Variants in SNTG2 observed in about 807,000 individuals in gnomAD.
The protein encoded by SNTG2 is syntrophin gamma 2.
A neutral mutation model predicts 70.9 loss-of-function variants in SNTG2; 74 were observed. The ratio of observed to expected loss-of-function variants is 1.04; its 90% confidence interval spans 0.86 to 1.27. The LOEUF (loss-of-function observed/expected upper bound fraction) is 1.27, where lower values mean the gene tolerates loss of function less well. Among genes scored for constraint, SNTG2 ranks in the 50% most tolerant of loss-of-function variants. SNTG2 has a pLI of 0.00. For missense variants in SNTG2, 717 were observed against 690.7 expected, an observed-to-expected ratio of 1.04 and a Z score of -0.43; for synonymous variants, 278 against 273.8, an observed-to-expected ratio of 1.02 and a Z score of -0.15.
intron 7 of SNTG2, among the ~76,000 whole-genome samples, chr2:1,168,090 C>T (rs7578309): frequency 0.14 from 16,954 of 120,282 alleles, 1,552 homozygotes; most frequent in African/African-American, 0.25. Flanking sequence ...ACCTACAGGC[C>T]GCCCACAGAC....
intron 14 of SNTG2, among the ~76,000 whole-genome samples, chr2:1,269,968 C>T (rs1015436267): frequency 6.6e-5 from 10 of 152,096 alleles, no homozygotes; most frequent in African/African-American, 1.7e-4. Context: ...CTTCTGGGGC[C>T]GTGCCATGCT....
chr2:1,090,714 C>G (rs919642719), intron 2 of SNTG2, among the ~76,000 whole-genome samples: 2 of 152,102 alleles, frequency 1.3e-5, no homozygotes, highest in South Asian at 2.1e-4. Flanking sequence ...TGTACAGGGC[C>G]GGCCAGCATT....
At chr2:1,068,955 C>A (rs1663340342) in intron 1 of SNTG2, among the ~76,000 whole-genome samples, 1 of 152,198 alleles carries the variant, frequency 6.6e-6, no homozygotes. Flanking sequence ...CCAGTTTTTA[C>A]CTCCAGGCTG....
chr2:989,870 C>G (rs1031945551), intron 1 of SNTG2, among the ~76,000 whole-genome samples: 1 of 152,232 alleles, frequency 6.6e-6, no homozygotes, highest in Non-Finnish European at 1.5e-5. Context: ...GGCTGTTGGA[C>G]TCTGTCAACG....
chr2:1,098,877 G>A (rs1040680982), intron 4 of SNTG2, among the ~76,000 whole-genome samples: 3 of 152,164 alleles, frequency 2.0e-5, no homozygotes, highest in African/African-American at 7.2e-5. Context: ...CTTGGCAGCT[G>A]GTGGTACTGC....
chr2:1,337,622 TC>T (rs1368745854), intron 16 of SNTG2, among the ~76,000 whole-genome samples: 1 of 152,176 alleles, frequency 6.6e-6, no homozygotes, highest in Non-Finnish European at 1.5e-5. Context: ...GCGGATGTCT[TC>T]TCTCATTCTG....
rs886698973 is a variant in SNTG2, at chr2:1,184,316, A to G, written c.591+11133A>G. Among the ~76,000 whole-genome samples the G allele has an allele frequency of 3.3e-5, 5 of 152,134 alleles. No individual in the cohort carries two copies. In the East Asian group the frequency reaches 7.7e-4, roughly 24 times the overall value. On this transcript the variant is annotated intron_variant, in intron 8 of 16. Transcript: ENST00000308624. Reference sequence around the variant, plus strand: ...ATGGGAACATCAACACATTTTATCAAACACATAAGGGAAAATACTACATAG... The same window carrying G: ...ATGGGAACATCAACACATTTTATCAGACACATAAGGGAAAATACTACATAG...
In SNTG2 at chr2:1,203,680, A is replaced by ATG. The variant is rs1231535053; in HGVS notation, c.592-5422_592-5421insGT. ...AAAACAAACAAAAAAAAAAATATAT[A>ATG]TATATATATATGTGTGTGTGTGTGT... On this transcript the variant is annotated intron_variant, in intron 8 of 16. Transcript: ENST00000308624. Among the ~76,000 whole-genome samples, 71 of 90,994 alleles carry ATG rather than the reference A, an allele frequency of 7.8e-4. 1 individual carries two copies. The East Asian group carries it at 0.036, about 46-fold the overall frequency. The allele number at this position is 90,994 out of a possible 152,430, so 59.7% of individuals were successfully genotyped here. A position where few individuals can be genotyped will look rare whatever the true frequency, so the allele number is the denominator to read the frequency against.
intron 1 of SNTG2, among the ~76,000 whole-genome samples, chr2:964,838 G>A (rs2147949289): frequency 6.6e-6 from 1 of 152,268 alleles, no homozygotes; most frequent in East Asian, 1.9e-4. Flanking sequence ...CTTGGGGTAG[G>A]TTCTGAGAAG....
At chr2:980,609 A>T (rs1457155375) in intron 1 of SNTG2, among the ~76,000 whole-genome samples, 1 of 152,124 alleles carries the variant, frequency 6.6e-6, no homozygotes, top group Non-Finnish European at 1.5e-5. Flanking sequence ...CCTGATGCTT[A>T]TCTGAAATTT....
intron 1 of SNTG2, among the ~76,000 whole-genome samples, chr2:1,052,004 G>T (rs1662105185): frequency 1.3e-5 from 2 of 152,010 alleles, no homozygotes; most frequent in African/African-American, 2.4e-5. Flanking sequence ...AAAGTATTTT[G>T]CTTTTTATAT....
intron 4 of SNTG2, among the ~76,000 whole-genome samples, chr2:1,135,518 G>A (rs367732168): frequency 2.3e-3 from 352 of 152,296 alleles, no homozygotes; most frequent in African/African-American, 8.1e-3. Flanking sequence ...TCAGGAGTTC[G>A]AGACCAGCCT....
intron 1 of SNTG2, among the ~76,000 whole-genome samples, chr2:1,052,935 C>G (rs1357284487): frequency 6.6e-6 from 1 of 152,240 alleles, no homozygotes; most frequent in African/African-American, 2.4e-5. Context: ...GTTCCAGTTT[C>G]CACTGCGAGT....
intron 1 of SNTG2, among the ~76,000 whole-genome samples, chr2:997,951 T>C (rs1262533512): frequency 6.6e-6 from 1 of 152,176 alleles, no homozygotes; most frequent in Non-Finnish European, 1.5e-5. Context: ...TCTTGAGACC[T>C]CCGCCACTCT....
At chr2:1,024,606 C>T (rs1414373322) in intron 1 of SNTG2, among the ~76,000 whole-genome samples, 4 of 152,132 alleles carry the variant, frequency 2.6e-5, no homozygotes, top group Non-Finnish European at 4.4e-5. Flanking sequence ...AACTCCTGGG[C>T]TCAAGCGATT....
intron 4 of SNTG2, among the ~76,000 whole-genome samples, chr2:1,132,431 C>A (rs1668085248): frequency 6.6e-6 from 1 of 152,176 alleles, no homozygotes; most frequent in Non-Finnish European, 1.5e-5. Flanking sequence ...CAGATCACCC[C>A]AGCTGCTCTT....
At chr2:1,063,179 CT>C (rs950907160) in intron 1 of SNTG2, among the ~76,000 whole-genome samples, 17 of 152,160 alleles carry the variant, frequency 1.1e-4, no homozygotes, top group South Asian at 8.3e-4. Flanking sequence ...AAGAAGCATA[CT>C]TTTTTTTAAA....
At chr2:983,692 A>G (rs1356893422) in intron 1 of SNTG2, among the ~76,000 whole-genome samples, 1 of 152,180 alleles carries the variant, frequency 6.6e-6, no homozygotes. Context: ...GTCTTGATTC[A>G]TGTCCCTGGT....
At chr2:1,278,598 A>G (rs1013346545) in intron 14 of SNTG2, among the ~76,000 whole-genome samples, 2 of 152,218 alleles carry the variant, frequency 1.3e-5, no homozygotes, top group Non-Finnish European at 2.9e-5. Flanking sequence ...TGCTTCCTGT[A>G]GTAGGCCTCC....
Sources: gnomAD v4.1 joint callset for allele counts (sites outside exome capture counted in the v4.1 genomes callset) on GRCh38, gnomAD v4.1.1 for gene constraint, MANE v1.5 for transcripts, NCBI Gene and HGNC (gene_info 2026-07-23, HGNC 2026-07-21) for gene names.